TTC21A: variants seen among roughly 807,000 people sequenced by gnomAD.
TTC21A encodes the protein tetratricopeptide repeat protein 21A.
Under a neutral mutation model 156.4 loss-of-function variants are expected in TTC21A, and 128 were observed. That is an observed-to-expected ratio of 0.82 (90% CI 0.71 to 0.95). TTC21A has a LOEUF of 0.95. TTC21A is among the 40% of genes least tolerant of loss of function. TTC21A has a pLI of 0.00. For synonymous variants in TTC21A, 587 were observed against 617.1 expected (o/e 0.95, Z 0.72); for missense variants, 1,435 against 1,602.3 (o/e 0.90, Z 1.78).
intron 19 of TTC21A, 116 bp from the exon 20 acceptor site, chr3:39,132,936 A>G: frequency 1.7e-6 from 2 of 1,204,904 alleles, no homozygotes; most frequent in Non-Finnish European, 2.3e-6. Context: ...AATTTGCCCA[A>G]GGGCACTTAT....
At chr3:39,135,574 G>A (rs1056361110) in intron 22 of TTC21A, among the ~76,000 whole-genome samples, 51 of 152,356 alleles carry the variant, frequency 3.3e-4, no homozygotes, top group African/African-American at 1.2e-3. Flanking sequence ...CTGAGGCTCA[G>A]GTTGGAGCCC....
chr3:39,133,498 C>T (rs2038890554), intron 20 of TTC21A, among the ~76,000 whole-genome samples: 1 of 152,180 alleles, frequency 6.6e-6, no homozygotes, highest in African/African-American at 2.4e-5. Flanking sequence ...GTGGGGAAGA[C>T]ATTGCTGAAA....
At chr3:39,125,841 G>A (rs758814526) in intron 11 of TTC21A, among the ~76,000 whole-genome samples, 4 of 152,232 alleles carry the variant, frequency 2.6e-5, no homozygotes, top group Admixed American at 6.5e-5. Flanking sequence ...CCGGCCCATG[G>A]CCCTGCCTTT....
chr3:39,130,934 C>T lies in TTC21A; in HGVS notation c.2459-58C>T, dbSNP rs1014265942. 4.4e-6 allele frequency: 7 copies of T among 1,607,344 alleles called. No individual in the cohort carries two copies. In the Admixed American group the frequency reaches 5.0e-5, roughly 12 times the overall value. On this transcript the variant is annotated intron_variant, in intron 18 of 28. Coordinates refer to ENST00000683103, the MANE Select transcript of TTC21A (RefSeq NM_001366900.1). The surrounding 1 kb of genome is among the most constrained non-coding windows in gnomAD (Gnocchi z 4.5). ...GAAGTCCTGATCCCAGCGCTCCCCA[C>T]CAACACAGCTTCCCAGGAGCCAGTG...
Position 39,137,248 on chromosome 3 carries a change from T to C in TTC21A, c.3311T>C (p.Leu1104Pro). 1 of 1,613,986 alleles carries C rather than the reference T, an allele frequency of 6.2e-7. No homozygotes were observed. Among genetic ancestry groups the C allele is most frequent in the South Asian group, 1.1e-5 (1 of 91,072 alleles). ...CAGGGTGTGAGCACCGCCGAGAAACTGCTGCGTGAGTTTTACCCACATTCA... is the reference window on the plus strand; with the variant it reads ...CAGGGTGTGAGCACCGCCGAGAAACCGCTGCGTGAGTTTTACCCACATTCA... Reference protein sequence around the residue: ...EQQGVSTAEKLLREFYPHSDS... With the variant: ...EQQGVSTAEKPLREFYPHSDS... The change falls in exon 25 of 29, where the codon CTG (leucine) becomes CCG (proline). Residue 1104 changes from leucine (L) to proline (P), a missense_variant. Coordinates refer to ENST00000683103, the MANE Select transcript of TTC21A (RefSeq NM_001366900.1).
intron 5 of TTC21A, among the ~76,000 whole-genome samples, chr3:39,113,341 C>A (rs372474162): frequency 1.3e-5 from 2 of 152,218 alleles, no homozygotes; most frequent in South Asian, 2.1e-4. Context: ...TCACAGAGCA[C>A]CCTTGGGGCC....
intron 9 of TTC21A, among the ~76,000 whole-genome samples, chr3:39,124,676 A>C (rs2038069813): frequency 6.6e-6 from 1 of 150,534 alleles, no homozygotes; most frequent in African/African-American, 2.4e-5. Context: ...AAAAAAAAGC[A>C]GATTGTAGAA....
At chr3:39,135,622 G>A (rs925352823) in intron 22 of TTC21A, among the ~76,000 whole-genome samples, 1 of 152,230 alleles carries the variant, frequency 6.6e-6, no homozygotes, top group African/African-American at 2.4e-5. Context: ...GGCCCAGGAG[G>A]TCACCACGGT....
At chr3:39,111,042 C>T (rs1333011348) in intron 4 of TTC21A, 25 bp downstream of exon 4, 7 of 1,579,694 alleles carry the variant, frequency 4.4e-6, no homozygotes, top group Admixed American at 1.8e-5. Context: ...ATGGGGACAA[C>T]AGGCGAAGAA....
rs756598619 is a variant in TTC21A, at chr3:39,125,093, A to G, written c.1124A>G (p.His375Arg). The G allele has an allele frequency of 6.2e-7, 1 of 1,614,042 alleles. No individual in the cohort carries two copies. Among genetic ancestry groups the G allele is most frequent in the East Asian group, 2.2e-5 (1 of 44,886 alleles). Residue 375 changes from histidine to arginine, a missense_variant, in exon 10 of 29, where the codon CAC becomes CGC. His to Arg is a conservative substitution (Grantham distance 29, BLOSUM62 0). Transcript: ENST00000683103. ...ATCTTGTGTCATATCTTAGAAGGCC[A>G]CCTGGAGGAAGCTGAGTACCGGCTG... ...GIILCHILEG[H>R]LEEAEYRLEF... is the part of the protein sequence containing the mutation.
chr3:39,130,644 G>A lies in TTC21A; in HGVS notation c.2320-57G>A. On this transcript the variant is annotated intron_variant, in intron 17 of 28. Transcript: ENST00000683103. This position sits in a 1 kb window ranked among gnomAD's most constrained non-coding sequence, Gnocchi z 4.5. ...TGATGGCTGCTGAGGGGAACATGGTGTCGGGCACTGAAGGGCAGAACCAGG... is the reference window on the plus strand; with the variant it reads ...TGATGGCTGCTGAGGGGAACATGGTATCGGGCACTGAAGGGCAGAACCAGG... The A allele has an allele frequency of 6.3e-7, 1 of 1,599,740 alleles. No homozygotes were observed. The highest frequency in any genetic ancestry group is 8.5e-7 in the Non-Finnish European group (1 of 1,170,650).
Position 39,121,253 on chromosome 3 carries a change from G to A in TTC21A, c.1093+64G>A, listed in dbSNP as rs1008973197. ...GGAGCCAAACCGGGCAGCTTCCATG[G>A]GTCCAGAAGAGAGGTGCTGGAAAGC... On this transcript the variant is annotated intron_variant, in intron 9 of 28. Coordinates refer to ENST00000683103, the MANE Select transcript of TTC21A (RefSeq NM_001366900.1). The A allele has an allele frequency of 6.2e-6, 9 of 1,451,628 alleles. No individual in the cohort carries two copies. In the South Asian group the frequency reaches 7.7e-5, roughly 12 times the overall value. The allele number at this position is 1,451,628 out of a possible 1,614,324, so 89.9% of individuals were successfully genotyped here. A position where few individuals can be genotyped will look rare whatever the true frequency, so the allele number is the denominator to read the frequency against.
chr3:39,126,625 CTA>C (rs2038288204), intron 12 of TTC21A, among the ~76,000 whole-genome samples: 1 of 18,578 alleles, frequency 5.4e-5, no homozygotes, highest in East Asian at 3.4e-3. Flanking sequence ...GCCTGGTGTA[CTA>C]CACACACACA....
chr3:39,107,976 G>A, intron 1 of TTC21A, 112 bp downstream of exon 1: 1 of 1,383,738 alleles, frequency 7.2e-7, no homozygotes, highest in Non-Finnish European at 1.0e-6. Flanking sequence ...AGTTATATCA[G>A]GCGGTCCTGC....
chr3:39,135,284 T>C, intron 22 of TTC21A, 110 bp downstream of exon 22: 1 of 919,392 alleles, frequency 1.1e-6, no homozygotes, highest in Non-Finnish European at 1.8e-6. Flanking sequence ...AGGAAGCCCC[T>C]TCCTCCCTGA....
rs2038124880 is a variant in TTC21A, at chr3:39,125,238, A to G, written c.1191+78A>G. ...CTCCCACCCCCACTTTCCAATAGAA[A>G]GCATGCAAGGTGGTCTGGACCTTCA... On this transcript the variant is annotated intron_variant, in intron 10 of 28. Transcript: ENST00000683103. 2.6e-6 allele frequency: 4 copies of G among 1,537,004 alleles called. No homozygotes were observed. The South Asian group carries it at 4.5e-5, about 17-fold the overall frequency.
chr3:39,121,948 G>C (rs1006341064), intron 9 of TTC21A, among the ~76,000 whole-genome samples: 9 of 152,170 alleles, frequency 5.9e-5, no homozygotes, highest in African/African-American at 2.2e-4. Context: ...AACATGTCAG[G>C]CTGACCCCCT....
chr3:39,136,670 G>T, intron 23 of TTC21A, 163 bp downstream of exon 23: 1 of 1,050,766 alleles, frequency 9.5e-7, no homozygotes, highest in East Asian at 2.5e-5. Flanking sequence ...CCCTGTGGAA[G>T]TCAGGGAGAG....
intron 9 of TTC21A, among the ~76,000 whole-genome samples, chr3:39,124,084 T>C (rs549592169): frequency 1.2e-4 from 18 of 152,252 alleles, no homozygotes; most frequent in Admixed American, 5.9e-4. Context: ...TGAGGGCAAG[T>C]TGACCTTATC....
Sources: gnomAD v4.1 joint callset for allele counts (sites outside exome capture counted in the v4.1 genomes callset) on GRCh38, gnomAD v4.1.1 for gene constraint, Gnocchi (gnomAD v3.1) non-coding constraint, MANE v1.5 for transcripts, NCBI Gene and HGNC (gene_info 2026-07-23, HGNC 2026-07-21) for gene names.